The following SVOPL variants were observed in gnomAD, a reference collection of about 807,000 sequenced individuals.
The protein encoded by SVOPL is SVOP like.
Under a neutral mutation model 61.0 loss-of-function variants are expected in SVOPL, and 60 were observed. The ratio of observed to expected loss-of-function variants is 0.98; its 90% CI spans 0.80 to 1.22. The LOEUF is 1.22. SVOPL is among the 50% of genes most tolerant of loss of function. The pLI is 0.00. For missense variants in SVOPL, 662 were observed against 643.9 expected, an observed-to-expected ratio of 1.03 and a Z score of -0.30; for synonymous variants, 279 against 250.0, an observed-to-expected ratio of 1.12 and a Z score of -1.09.
At chr7:138,648,533 CAAAAAAAA>C (rs61171485) in intron 8 of SVOPL, among the ~76,000 whole-genome samples, 9 of 73,790 alleles carry the variant, frequency 1.2e-4, no homozygotes, top group African/African-American at 1.7e-4. Flanking sequence ...ACTAAAAATC[CAAAAAAAA>C]AAAAAAAAAA....
At position 138,663,087 on chromosome 7, in the gene SVOPL, T is replaced by C. The variant is rs774751170; in HGVS notation, c.332A>G (p.Tyr111Cys). The change falls in exon 5 of 16, where the codon TAT (tyrosine) becomes TGT (cysteine). Residue 111 changes from tyrosine to cysteine, a missense_variant. Physicochemically the swap from Tyr to Cys is radical, Grantham distance 194. Transcript: ENST00000674285. ...SILFGLLADR[Y>C]GRWKILLISF... ...GGCCCCACCTACCTTCCAGCGGCCA[T>C]ATCTGTCAGCCAGGAGGCCAAAGAG... is the stretch of plus-strand genomic sequence containing the variant. 1 of 1,614,188 alleles carries C rather than the reference T, an allele frequency of 6.2e-7. No individual in the cohort carries two copies. Among genetic ancestry groups the C allele is most frequent in the Admixed American group, 1.7e-5 (1 of 60,022 alleles).
intron 4 of SVOPL, among the ~76,000 whole-genome samples, chr7:138,664,843 T>G (rs1389744069): frequency 1.4e-5 from 1 of 70,944 alleles, no homozygotes; most frequent in Admixed American, 1.7e-4. Context: ...ACCCCCGCCC[T>G]CGACCCTTCT....
chr7:138,690,760 T>TTTTC lies in SVOPL; in HGVS notation c.-35+10414_-35+10417dup, dbSNP rs139482197. ...TACTCAAGATCACTGAATTGTACCC[T>TTTTC]TTTCTTTCTTTCTTTCTTTCTTTTT... On this transcript the variant is annotated intron_variant, in intron 1 of 15. Coordinates refer to ENST00000674285, the MANE Select transcript of SVOPL (RefSeq NM_001139456.2). 1.1e-3 allele frequency among the ~76,000 whole-genome samples: 159 copies of TTTTC among 151,092 alleles called. No individual in the cohort carries two copies. In the Middle Eastern group the frequency reaches 0.014, roughly 13 times the overall value.
intron 14 of SVOPL, among the ~76,000 whole-genome samples, chr7:138,610,238 T>C (rs571368542): frequency 7.3e-5 from 11 of 151,296 alleles, no homozygotes; most frequent in Non-Finnish European, 1.5e-4. Context: ...TCCTTCCTTT[T>C]CTTTTCTTTC....
intron 3 of SVOPL, among the ~76,000 whole-genome samples, chr7:138,676,106 G>T (rs1010047916): frequency 6.6e-6 from 1 of 152,246 alleles, no homozygotes; most frequent in Non-Finnish European, 1.5e-5. Flanking sequence ...AGTGTGCTGG[G>T]ATGACAGGCA....
intron 4 of SVOPL, among the ~76,000 whole-genome samples, chr7:138,669,381 C>A (rs1195315745): frequency 1.3e-5 from 2 of 152,032 alleles, no homozygotes; most frequent in African/African-American, 4.8e-5. Flanking sequence ...ACACTCCAGC[C>A]CGGGCAAAAG....
At chr7:138,627,240 T>C (rs570823149) in intron 12 of SVOPL, 110 bp downstream of exon 12, 1 of 769,758 alleles carries the variant, frequency 1.3e-6, no homozygotes, top group Admixed American at 2.4e-5. Context: ...GCCCATTCTC[T>C]ACTCTCCTGG....
At chr7:138,619,809 G>T (rs1254267461) in intron 14 of SVOPL, among the ~76,000 whole-genome samples, 1 of 152,154 alleles carries the variant, frequency 6.6e-6, no homozygotes, top group African/African-American at 2.4e-5. Context: ...ACCAATGGGG[G>T]TCTCTATCTC....
chr7:138,607,575 A>G (rs148253115), intron 14 of SVOPL, among the ~76,000 whole-genome samples: 1 of 152,320 alleles, frequency 6.6e-6, no homozygotes, highest in Non-Finnish European at 1.5e-5. Context: ...TTGAACCTAG[A>G]GACACAGAGG....
At chr7:138,667,616 C>T (rs926445516) in intron 4 of SVOPL, among the ~76,000 whole-genome samples, 3 of 152,160 alleles carry the variant, frequency 2.0e-5, no homozygotes, top group African/African-American at 7.2e-5. Context: ...TAACCATTTG[C>T]CTCATTGGCT....
rs532631813 is a variant in SVOPL at position 138,662,704 on chromosome 7, A to AC, written c.345+369dup. 405 of 1,055,774 alleles carry AC rather than the reference A, an allele frequency of 3.8e-4. 10 individuals are homozygous for AC. The Admixed American group carries it at 0.018, about 46-fold the overall frequency. 65.4% of individuals were successfully genotyped at this position (1,055,774 alleles called of 1,614,324 possible). On this transcript the variant is annotated intron_variant, in intron 5 of 15. Transcript: ENST00000674285. ...TCTGTTCTCAACACCACCACAGTAA[A>AC]CTGGACGTGGTGGGGGCATCTAACC...
In SVOPL at chr7:138,700,432, G is replaced by A. The variant is rs145535647; in HGVS notation, c.-35+746C>T. ...TGGCTCACTGCAACCTCTGCCTCCC[G>A]GGTTCAAGCGATTCTTCTGCCTCAG... is the stretch of plus-strand genomic sequence containing the variant. On this transcript the variant is annotated intron_variant, in intron 1 of 15. Coordinates refer to ENST00000674285, the MANE Select transcript of SVOPL (RefSeq NM_001139456.2). Among the ~76,000 whole-genome samples, 78 of 146,140 alleles carry A rather than the reference G, an allele frequency of 5.3e-4. 1 individual carries two copies. In the East Asian group the frequency reaches 7.9e-3, roughly 15 times the overall value.
chr7:138,641,068 T>C (rs1335049958), intron 9 of SVOPL, among the ~76,000 whole-genome samples: 2 of 151,970 alleles, frequency 1.3e-5, no homozygotes, highest in Non-Finnish European at 1.5e-5. Flanking sequence ...CTGGGTATGA[T>C]GGCGCACACC....
At chr7:138,687,713 G>A (rs1185403797) in intron 1 of SVOPL, among the ~76,000 whole-genome samples, 1 of 149,452 alleles carries the variant, frequency 6.7e-6, no homozygotes, top group African/African-American at 2.5e-5. Context: ...AAAACAGAAT[G>A]GGAGAGAGTA....
Position 138,621,028 on chromosome 7 carries a change from C to A in SVOPL, c.1353+18G>T. The A allele has an allele frequency of 6.2e-7, 1 of 1,610,894 alleles. No homozygotes were observed. The highest frequency in any genetic ancestry group is 2.2e-5 in the East Asian group (1 of 44,756). ...CTCTCTCAGACTCTCTCTCTCCCTG[C>A]AGGGTCCTTGGCTGTACCTGGGATA... On this transcript the variant is annotated intron_variant, in intron 14 of 15. Transcript: ENST00000674285.
chr7:138,638,275 A>C (rs1584814929), intron 9 of SVOPL, among the ~76,000 whole-genome samples: 1 of 20,916 alleles, frequency 4.8e-5, no homozygotes. Context: ...TCCACCTCAA[A>C]AAAAAAAAAA....
chr7:138,594,484 A>T lies in SVOPL; in HGVS notation c.*126T>A, dbSNP rs754091853. 3.8e-4 allele frequency: 272 copies of T among 717,094 alleles called. No individual in the cohort carries two copies. The highest frequency in any genetic ancestry group is 5.9e-4 in the South Asian group (22 of 37,220). The allele number at this position is 717,094 out of a possible 1,614,324, so 44.4% of individuals were successfully genotyped here. The stretch of plus-strand genomic sequence containing the variant: ...TACCCCATTCCCATATATGCCTTTA[A>T]AAAAAAAATCACTTTACTAATTACC... On this transcript the variant is annotated 3_prime_UTR_variant, in exon 16 of 16. Coordinates refer to ENST00000674285, the MANE Select transcript of SVOPL (RefSeq NM_001139456.2).
chr7:138,652,334 G>A lies in SVOPL; in HGVS notation c.535-3197C>T, dbSNP rs561761761. The stretch of plus-strand genomic sequence containing the variant: ...CCCAAAGTGCTGGGATTCCAGGTGT[G>A]AGCCACTGTGTCTGGCCCGATTTTT... On this transcript the variant is annotated intron_variant, in intron 7 of 15. Coordinates refer to ENST00000674285, the MANE Select transcript of SVOPL (RefSeq NM_001139456.2). Among the ~76,000 whole-genome samples, 4 of 152,104 alleles carry A rather than the reference G, an allele frequency of 2.6e-5. No homozygotes were observed. In the East Asian group the frequency reaches 7.8e-4, roughly 30 times the overall value.
intron 14 of SVOPL, among the ~76,000 whole-genome samples, chr7:138,603,775 C>T (rs1798627705): frequency 6.6e-6 from 1 of 152,058 alleles, no homozygotes; most frequent in South Asian, 2.1e-4. Context: ...CTGTATTATA[C>T]CCTCCAATGA....
Sources: gnomAD v4.1 joint callset for allele counts (sites outside exome capture counted in the v4.1 genomes callset) on GRCh38, gnomAD v4.1.1 for gene constraint, MANE v1.5 for transcripts, NCBI Gene and HGNC (gene_info 2026-07-23, HGNC 2026-07-21) for gene names.